The following EPHA2 variants were observed in gnomAD, a reference collection of about 807,000 sequenced individuals.
The protein encoded by EPHA2 is ephrin type-A receptor 2.
Under a neutral mutation model 104.9 loss-of-function variants are expected in EPHA2, and 54 were observed. That is an observed-to-expected ratio of 0.51 (90% CI 0.41 to 0.65). The LOEUF (loss-of-function observed/expected upper bound fraction) is 0.65, where lower values mean the gene tolerates loss of function less well. Among genes scored for constraint, EPHA2 ranks in the 30% least tolerant of loss-of-function variants. The pLI is 0.00. For synonymous variants in EPHA2, 560 were observed against 559.1 expected (o/e 1.00, Z -0.02); for missense variants, 1,117 against 1,369.5 (o/e 0.82, Z 2.91).
chr1:16,148,128 AG>A lies in EPHA2; in HGVS notation c.823+249del, dbSNP rs1333429185. Among the ~76,000 whole-genome samples, 2 of 152,078 alleles carry A rather than the reference AG, an allele frequency of 1.3e-5. No individual in the cohort carries two copies. Among genetic ancestry groups the A allele is most frequent in the African/African-American group, 4.8e-5 (2 of 41,408 alleles). ...TGGGCTCAAGTGATCCACCCACCTC[AG>A]CCTCCCAAAGTGCTGGGATTACAGG... On this transcript the variant is annotated intron_variant, in intron 3 of 16. Coordinates refer to ENST00000358432, the MANE Select transcript of EPHA2 (RefSeq NM_004431.5). The surrounding 1 kb of genome is among the most constrained non-coding windows in gnomAD (Gnocchi z 4.9).
At chr1:16,126,675 G>A (rs992163395) in intron 16 of EPHA2, among the ~76,000 whole-genome samples, 13 of 152,322 alleles carry the variant, frequency 8.5e-5, no homozygotes, top group Non-Finnish European at 8.8e-5. Context: ...CTGGAAAAGC[G>A]CTCAGACCAC....
chr1:16,133,584 T>G lies in EPHA2; in HGVS notation c.1761A>C (p.Thr587=). The change falls in exon 10 of 17, where the codon ACA becomes ACC. Residue 587 remains threonine, a synonymous_variant. Transcript: ENST00000358432. ...SKSEQLKPLK[T]YVDPHTYEDP... ...CCTCATATGTGTGGGGGTCCACGTA[T>G]GTCTTCAGGGGCTTCAGTTGTTCTG... 1 of 1,614,030 alleles carries G rather than the reference T, an allele frequency of 6.2e-7. No individual in the cohort carries two copies. Among genetic ancestry groups the G allele is most frequent in the Non-Finnish European group, 8.5e-7 (1 of 1,179,958 alleles).
Position 16,125,277 on chromosome 1 carries a change from G to A in EPHA2, c.2869C>T (p.Arg957Cys), listed in dbSNP as rs752235979. 33 of 1,613,536 alleles carry A rather than the reference G, an allele frequency of 2.0e-5. No homozygotes were observed. Among genetic ancestry groups the A allele is most frequent in the East Asian group, 4.5e-5 (2 of 44,848 alleles). ...IGVRLPGHQK[R>C]IAYSLLGLKD... Reference sequence around the variant, plus strand: ...AGTCCCAGCAGGCTGTAGGCGATGCGCTTCTGGTGGCCGGGCAGCCGCACC... The same window carrying A: ...AGTCCCAGCAGGCTGTAGGCGATGCACTTCTGGTGGCCGGGCAGCCGCACC... Residue 957 changes from arginine (R) to cysteine (C), a missense_variant, in exon 17 of 17, where the codon CGC (arginine) becomes TGC (cysteine). Physicochemically the swap from Arg to Cys is radical, Grantham distance 180. Transcript: ENST00000358432. This position sits in a 1 kb window ranked among gnomAD's most constrained non-coding sequence, Gnocchi z 4.9.
chr1:16,138,723 A>G (rs2024767898), intron 3 of EPHA2, among the ~76,000 whole-genome samples: 1 of 152,150 alleles, frequency 6.6e-6, no homozygotes, highest in Non-Finnish European at 1.5e-5. Context: ...TCAAGGCCAT[A>G]CCTCGCCTTT....
chr1:16,153,121 T>A (rs1314634135), intron 1 of EPHA2: 1 of 902,418 alleles, frequency 1.1e-6, no homozygotes, highest in Non-Finnish European at 1.3e-6. Context: ...ACCTTCCCAT[T>A]TCTGGGGGGA....
intron 3 of EPHA2, among the ~76,000 whole-genome samples, chr1:16,138,914 AC>A (rs2024772106): frequency 6.6e-6 from 1 of 151,996 alleles, no homozygotes; most frequent in Admixed American, 6.6e-5. Flanking sequence ...TGTCACCACC[AC>A]CCTGACTCAC....
chr1:16,139,834 G>T (rs2024788493), intron 3 of EPHA2, among the ~76,000 whole-genome samples: 1 of 152,166 alleles, frequency 6.6e-6, no homozygotes, highest in Non-Finnish European at 1.5e-5. Context: ...CTTTATCCTG[G>T]AGGCAATGGA....
At chr1:16,137,021 A>C (rs1484370022) in intron 5 of EPHA2, among the ~76,000 whole-genome samples, 1 of 151,810 alleles carries the variant, frequency 6.6e-6, no homozygotes, top group Non-Finnish European at 1.5e-5. Flanking sequence ...GCTGGTCTGG[A>C]ACTCTCGACC....
chr1:16,150,984 G>T lies in EPHA2; in HGVS notation c.86-21C>A, dbSNP rs200706820. 5.6e-6 allele frequency: 9 copies of T among 1,613,666 alleles called. No individual in the cohort carries two copies. Among genetic ancestry groups the T allele is most frequent in the Non-Finnish European group, 7.6e-6 (9 of 1,179,860 alleles). On this transcript the variant is annotated intron_variant, in intron 1 of 16. Transcript: ENST00000358432. This position sits in a 1 kb window ranked among gnomAD's most constrained non-coding sequence, Gnocchi z 4.8. ...TACCACTGAAAGGGAGAAGGGAGAGGGGGTGAGCCTGGGGGTGTCTTCAGG... is the reference window on the plus strand; with the variant it reads ...TACCACTGAAAGGGAGAAGGGAGAGTGGGTGAGCCTGGGGGTGTCTTCAGG...
chr1:16,151,284 G>A (rs573312340), intron 1 of EPHA2, among the ~76,000 whole-genome samples: 4 of 152,098 alleles, frequency 2.6e-5, no homozygotes, highest in Non-Finnish European at 2.9e-5. Flanking sequence ...AGCTCAGCCC[G>A]GCAGGAGAAC....
rs367729212 is a variant in EPHA2 at position 16,132,124 on chromosome 1, C to T, written c.2265G>A (p.Val755=). The T allele has an allele frequency of 3.1e-6, 5 of 1,614,248 alleles. No individual in the cohort carries two copies. Among genetic ancestry groups the T allele is most frequent in the Middle Eastern group, 1.6e-4 (1 of 6,062 alleles). The change falls in exon 13 of 17, where the codon GTG becomes GTA. Residue 755 remains valine, a synonymous_variant. Transcript: ENST00000358432. ...ILVNSNLVCK[V]SDFGLSRVLE... The stretch of plus-strand genomic sequence containing the variant: ...GCACGCGGGACAGGCCAAAGTCAGA[C>T]ACCTTGCAGACCAGGTTGCTGTTGA...
At chr1:16,151,437 C>T (rs1027703529) in intron 1 of EPHA2, among the ~76,000 whole-genome samples, 4 of 152,228 alleles carry the variant, frequency 2.6e-5, no homozygotes, top group African/African-American at 7.2e-5. Flanking sequence ...GCCACATTCC[C>T]CCCAGCAGGA....
At chr1:16,129,312 C>T (rs766242890) in intron 16 of EPHA2, 122 bp downstream of exon 16, 249 of 1,259,060 alleles carry the variant, frequency 2.0e-4, no homozygotes, top group Non-Finnish European at 2.7e-4. Context: ...AGCCTCTTCC[C>T]AGAAGAGAAA....
chr1:16,133,716 T>C, intron 9 of EPHA2, 110 bp from the exon 10 acceptor site: 1 of 1,542,498 alleles, frequency 6.5e-7, no homozygotes, highest in Non-Finnish European at 8.8e-7. Flanking sequence ...GACCAGGCTG[T>C]GGGGGACGGA....
In EPHA2 at chr1:16,131,842, G is replaced by A; in HGVS notation, c.2354C>T (p.Ala785Val). 6.2e-7 allele frequency: 1 copy of A among 1,614,006 alleles called. No individual in the cohort carries two copies. Among genetic ancestry groups the A allele is most frequent in the African/African-American group, 1.3e-5 (1 of 75,060 alleles). The change falls in exon 14 of 17, where the codon GCC (alanine) becomes GTC (valine). Residue 785 changes from alanine to valine, a missense_variant. Physicochemically the swap from Ala to Val is moderately conservative, Grantham distance 64. This residue lies in a region of EPHA2 where 340 missense variants were observed against 480.5 expected (regional missense o/e 0.71). Transcript: ENST00000358432. This position sits in a 1 kb window ranked among gnomAD's most constrained non-coding sequence, Gnocchi z 5.2. ...CTTCCGGTAGGAAATGGCCTCCGGG[G>A]CGGTCCAGCGGATGGGGATCTTGCC... The part of the protein sequence containing the change: ...SGGKIPIRWT[A>V]PEAISYRKFT...
In EPHA2 at chr1:16,135,511, C is replaced by A; in HGVS notation, c.1428+144G>T. 1 of 824,016 alleles carries A rather than the reference C, an allele frequency of 1.2e-6. No homozygotes were observed. The highest frequency in any genetic ancestry group is 2.1e-6 in the Non-Finnish European group (1 of 486,390). 51.0% of individuals were successfully genotyped at this position (824,016 alleles called of 1,614,324 possible). ...CTGTGCTGCCTTGGGAGATGTAACC[C>A]CCTGGCAGACCCCAGGCCTCAGTTT... On this transcript the variant is annotated intron_variant, in intron 6 of 16. Transcript: ENST00000358432. This position sits in a 1 kb window ranked among gnomAD's most constrained non-coding sequence, Gnocchi z 4.3.
At chr1:16,132,332 G>A in intron 12 of EPHA2, 46 bp downstream of exon 12, 2 of 1,614,092 alleles carry the variant, frequency 1.2e-6, no homozygotes, top group South Asian at 1.1e-5. Context: ...GCCAGCCCCG[G>A]GCTCAATGGC....
chr1:16,127,250 A>G (rs2024487623), intron 16 of EPHA2, among the ~76,000 whole-genome samples: 1 of 152,100 alleles, frequency 6.6e-6, no homozygotes. Flanking sequence ...GGAGACCCTA[A>G]GATCTACAGC....
Position 16,135,331 on chromosome 1 carries a change from T to C in EPHA2, c.1429-142A>G. ...AGGCTCTTCTTACAGAGGAGGAAAC[T>C]GAGGCTCGGAATTAAGTGACTCACT... On this transcript the variant is annotated intron_variant, in intron 6 of 16. Transcript: ENST00000358432. The surrounding 1 kb of genome is among the most constrained non-coding windows in gnomAD (Gnocchi z 4.3). 5 of 1,122,776 alleles carry C rather than the reference T, an allele frequency of 4.5e-6. No individual in the cohort carries two copies. In the South Asian group the frequency reaches 5.4e-5, roughly 12 times the overall value. 69.6% of individuals were successfully genotyped at this position (1,122,776 alleles called of 1,614,324 possible).
Sources: gnomAD v4.1 joint callset for allele counts (sites outside exome capture counted in the v4.1 genomes callset) on GRCh38, gnomAD v4.1.1 for gene constraint, gnomAD v4.1.1 regional missense constraint, Gnocchi (gnomAD v3.1) non-coding constraint, MANE v1.5 for transcripts, NCBI Gene and HGNC (gene_info 2026-07-23, HGNC 2026-07-21) for gene names.